CCDC125: variants seen among roughly 807,000 people sequenced by gnomAD.
The protein encoded by CCDC125 is coiled-coil domain containing 125.
In CCDC125, 43 loss-of-function variants were observed where a neutral mutation model predicts 57.4. The observed-to-expected ratio is 0.75, with a 90% confidence interval of 0.59 to 0.97. The LOEUF (loss-of-function observed/expected upper bound fraction) is 0.97, where lower values mean the gene tolerates loss of function less well. Ranked by LOEUF, CCDC125 falls within the 50% of genes least tolerant of loss-of-function variation. The pLI, the probability that CCDC125 is intolerant of heterozygous loss-of-function variation, is 0.00. For missense variants in CCDC125, 563 were observed against 595.7 expected (o/e 0.95, Z 0.57); for synonymous variants, 187 against 195.2 (o/e 0.96, Z 0.35).
intron 6 of CCDC125, 101 bp from the exon 7 acceptor site, chr5:69,304,030 T>C (rs1180896758): frequency 8.0e-6 from 5 of 624,492 alleles, no homozygotes; most frequent in Non-Finnish European, 1.4e-5. Context: ...CTAAATATAG[T>C]TTTTCCTACT....
At chr5:69,295,334 A>T (rs1039720879) in intron 8 of CCDC125, among the ~76,000 whole-genome samples, 1 of 152,156 alleles carries the variant, frequency 6.6e-6, no homozygotes, top group Middle Eastern at 3.2e-3. Context: ...ATCTACTCAG[A>T]AATGACGAGG....
chr5:69,294,706 G>A, intron 9 of CCDC125, 87 bp downstream of exon 9: 1 of 974,628 alleles, frequency 1.0e-6, no homozygotes, highest in East Asian at 2.4e-5. Flanking sequence ...CTACTAAAAT[G>A]AAGTTAATTA....
At chr5:69,307,692 A>G (rs1181564250) in intron 5 of CCDC125, 2 of 434,554 alleles carry the variant, frequency 4.6e-6, no homozygotes. Flanking sequence ...AAAAAAAAAA[A>G]AAAAGAAGAA....
intron 7 of CCDC125, among the ~76,000 whole-genome samples, chr5:69,301,890 C>T (rs1456218437): frequency 6.8e-6 from 1 of 146,462 alleles, no homozygotes; most frequent in Non-Finnish European, 1.5e-5. Flanking sequence ...GAGTGAGATT[C>T]TGTCTCAAAA....
At chr5:69,304,587 G>A (rs537644532) in intron 6 of CCDC125, among the ~76,000 whole-genome samples, 11 of 151,570 alleles carry the variant, frequency 7.3e-5, no homozygotes, top group South Asian at 2.1e-4. Context: ...CACCACGCCC[G>A]GCCAATTTTT....
At chr5:69,278,497 G>A (rs1752312807), downstream of CCDC125, among the ~76,000 whole-genome samples, 1 of 151,868 alleles carries the variant, frequency 6.6e-6, no homozygotes, top group Non-Finnish European at 1.5e-5. Context: ...ACAGGTGTGA[G>A]CCACCGCGCC....
At chr5:69,331,724 A>C (rs1012545543) in intron 1 of CCDC125, among the ~76,000 whole-genome samples, 4 of 152,014 alleles carry the variant, frequency 2.6e-5, no homozygotes, top group African/African-American at 9.7e-5. Flanking sequence ...GGTCACCTGC[A>C]AGCCTCTATT....
At chr5:69,284,815 G>C (rs1382019333) in intron 11 of CCDC125, among the ~76,000 whole-genome samples, 2 of 152,124 alleles carry the variant, frequency 1.3e-5, no homozygotes, top group Non-Finnish European at 2.9e-5. Context: ...ACACTGGCTG[G>C]GCATGGTGGG....
Position 69,294,907 on chromosome 5 carries a change from A to C in CCDC125, c.817-7T>G, listed in dbSNP as rs369114474. 57 of 1,607,244 alleles carry C rather than the reference A, an allele frequency of 3.5e-5. No homozygotes were observed. Among genetic ancestry groups the C allele is most frequent in the African/African-American group, 1.7e-4 (13 of 74,702 alleles). ...AGGCTCCGAGGACCGCAAGCTTTAA[A>C]TTGAAAAGCATTGCTCCTGTTATTA... On this transcript the variant is annotated splice_region_variant and splice_polypyrimidine_tract_variant and intron_variant, in intron 8 of 11. Transcript: ENST00000396496.
chr5:69,294,143 A>G, intron 9 of CCDC125: 1 of 984,244 alleles, frequency 1.0e-6, no homozygotes, highest in Non-Finnish European at 1.2e-6. Flanking sequence ...TCTCTCCATT[A>G]ATCAGTGTTG....
intron 6 of CCDC125, among the ~76,000 whole-genome samples, chr5:69,304,170 TCTC>T (rs1029029501): frequency 6.6e-6 from 1 of 151,292 alleles, no homozygotes; most frequent in African/African-American, 2.4e-5. Context: ...AGTGGCACAA[TCTC>T]AGCTCACTGC....
chr5:69,313,944 C>T, intron 3 of CCDC125, 41 bp downstream of exon 3: 1 of 1,433,134 alleles, frequency 7.0e-7, no homozygotes, highest in Non-Finnish European at 9.9e-7. Context: ...CTGCTGGGAC[C>T]CAGCTAAACT....
At chr5:69,329,499 CTTTTTTT>C (rs535306741) in intron 1 of CCDC125, among the ~76,000 whole-genome samples, 3 of 95,306 alleles carry the variant, frequency 3.1e-5, no homozygotes, top group South Asian at 7.8e-4. Context: ...GGATTCAAGT[CTTTTTTT>C]TTTTTTTTTT....
At chr5:69,299,132 C>T (rs1462010185) in intron 8 of CCDC125, among the ~76,000 whole-genome samples, 10 of 142,414 alleles carry the variant, frequency 7.0e-5, no homozygotes, top group Non-Finnish European at 9.0e-5. Flanking sequence ...TTTTTTGAGA[C>T]GGAGTCTCGC....
At chr5:69,299,140 C>T (rs1461984787) in intron 8 of CCDC125, among the ~76,000 whole-genome samples, 1 of 148,254 alleles carries the variant, frequency 6.7e-6, no homozygotes, top group Non-Finnish European at 1.5e-5. Flanking sequence ...GACGGAGTCT[C>T]GCTCTTTCGC....
intron 8 of CCDC125, among the ~76,000 whole-genome samples, chr5:69,298,421 C>T (rs369130864): frequency 2.6e-5 from 4 of 152,312 alleles, no homozygotes; most frequent in African/African-American, 9.6e-5. Context: ...AAGGCCATTT[C>T]GGAACATTCT....
At chr5:69,279,352 A>C (rs1752358068), downstream of CCDC125, among the ~76,000 whole-genome samples, 1 of 151,486 alleles carries the variant, frequency 6.6e-6, no homozygotes, top group Admixed American at 6.6e-5. Context: ...GCCCGCCACC[A>C]CGCCCAGCTA....
chr5:69,293,056 G>C (rs1254757359), intron 9 of CCDC125, among the ~76,000 whole-genome samples: 1 of 151,710 alleles, frequency 6.6e-6, no homozygotes, highest in African/African-American at 2.4e-5. Flanking sequence ...GCCCAGGCTG[G>C]TCTCGAACTC....
downstream of CCDC125, among the ~76,000 whole-genome samples, chr5:69,280,003 G>A (rs1134774): frequency 0.28 from 42,475 of 151,924 alleles, 6,527 homozygotes; most frequent in East Asian, 0.4. Flanking sequence ...ATTGGATCTC[G>A]TGAGAACTCA....
Sources: gnomAD v4.1 joint callset for allele counts (sites outside exome capture counted in the v4.1 genomes callset) on GRCh38, gnomAD v4.1.1 for gene constraint, MANE v1.5 for transcripts, NCBI Gene and HGNC (gene_info 2026-07-23, HGNC 2026-07-21) for gene names.